The following ZNF705G variants were observed in gnomAD, a reference collection of about 807,000 sequenced individuals.
ZNF705G encodes the protein putative zinc finger protein 705G.
Under a neutral mutation model 19.6 loss-of-function variants are expected in ZNF705G, and 23 were observed. The observed-to-expected ratio is 1.17, with a 90% CI of 0.84 to 1.66. The LOEUF is 1.66. ZNF705G is among the 40% of genes most tolerant of loss of function. The pLI, the probability that ZNF705G is intolerant of heterozygous loss-of-function variation, is 0.00. For missense variants in ZNF705G, 457 were observed against 354.4 expected (o/e 1.29, Z -2.32); for synonymous variants, 146 against 117.7 (o/e 1.24, Z -1.56).
Position 7,358,097 on chromosome 8 carries a change from C to T in ZNF705G, c.782G>A (p.Ser261Asn), listed in dbSNP as rs757263091. The T allele has an allele frequency of 1.9e-5, 30 of 1,607,910 alleles. No individual in the cohort carries two copies. The highest frequency in any genetic ancestry group is 2.4e-5 in the Non-Finnish European group (28 of 1,179,768). Residue 261 changes from serine to asparagine, a missense_variant, in exon 7 of 7, where the codon AGT becomes AAT. Physicochemically the swap from Ser to Asn is conservative, Grantham distance 46 (BLOSUM62 1). Transcript: ENST00000400156. ...AGAGCTTTGACTAAAGGCTTTCCCA[C>T]TTTTATCACATTCATAACACTTTTT... is the stretch of plus-strand genomic sequence containing the variant. The part of the protein sequence containing the change: ...LGKKCYECDK[S>N]GKAFSQSSGF...
chr8:7,380,520 A>G (rs1294362345), intron 2 of ZNF705G, among the ~76,000 whole-genome samples: 4 of 147,486 alleles, frequency 2.7e-5, no homozygotes, highest in Non-Finnish European at 4.4e-5. Context: ...CCAGCCTGCC[A>G]TCACAGCTGT....
chr8:7,362,157 G>T (rs1435029026), intron 3 of ZNF705G, among the ~76,000 whole-genome samples: 1 of 149,418 alleles, frequency 6.7e-6, no homozygotes, highest in Admixed American at 6.6e-5. Flanking sequence ...CCCTTATAAA[G>T]CATTTCCACA....
In ZNF705G at chr8:7,369,554, T is replaced by C. The variant is rs1168515379; in HGVS notation, c.-71-6537A>G. 6.0e-5 allele frequency among the ~76,000 whole-genome samples: 9 copies of C among 149,508 alleles called. 1 individual carries two copies. Among genetic ancestry groups the C allele is most frequent in the African/African-American group, 2.3e-4 (9 of 38,924 alleles). ...GCAGCCATGGGGACTGACCCTTGTATCCAAAAGAAAATAAATTGTTCTACC... is the reference window on the plus strand; with the variant it reads ...GCAGCCATGGGGACTGACCCTTGTACCCAAAAGAAAATAAATTGTTCTACC... On this transcript the variant is annotated intron_variant, in intron 2 of 6. Transcript: ENST00000400156.
At position 7,364,666 on chromosome 8, in the gene ZNF705G, T is replaced by C. The variant is rs185379282; in HGVS notation, c.-71-1649A>G. On this transcript the variant is annotated intron_variant, in intron 2 of 6. Coordinates refer to ENST00000400156, the MANE Select transcript of ZNF705G (RefSeq NM_001164457.3). The stretch of plus-strand genomic sequence containing the variant: ...TTAGACCCCAGGTCCCAAACATCAT[T>C]GTGTCTATTTTTACTGCCACATTTA... 6.9e-4 allele frequency among the ~76,000 whole-genome samples: 103 copies of C among 149,790 alleles called. 1 individual carries two copies. Among genetic ancestry groups the C allele is most frequent in the Admixed American group, 1.4e-3 (22 of 15,272 alleles).
Position 7,357,987 on chromosome 8 carries a change from T to A in ZNF705G, c.892A>T (p.Asn298Tyr), listed in dbSNP as rs547548873. The change falls in exon 7 of 7, where the codon AAC (asparagine) becomes TAC (tyrosine). Residue 298 changes from asparagine (N) to tyrosine (Y), a missense_variant. Asn to Tyr is a moderately radical substitution (Grantham distance 143). Transcript: ENST00000400156. ...CGTGTTCTCTCATGTCATCTAAGGT[T>A]GGAAGACAGACTGAAGGCCTTCCCA... ...LCGKAFSLSSNLR is the reference protein window; with the variant it reads ...LCGKAFSLSSYLR 4.3e-6 allele frequency: 7 copies of A among 1,609,228 alleles called. 1 individual carries two copies. Among genetic ancestry groups the A allele is most frequent in the East Asian group, 2.2e-5 (1 of 44,858 alleles).
At chr8:7,369,247 A>G (rs1413324605) in intron 2 of ZNF705G, among the ~76,000 whole-genome samples, 3 of 149,550 alleles carry the variant, frequency 2.0e-5, no homozygotes, top group African/African-American at 5.1e-5. Context: ...ACACAGAGCC[A>G]AACCATATCA....
At position 7,360,232 on chromosome 8, in the gene ZNF705G, C is replaced by T. The variant is rs537763331; in HGVS notation, c.235+5G>A. The T allele has an allele frequency of 3.1e-6, 5 of 1,592,006 alleles. No individual in the cohort carries two copies. The highest frequency in any genetic ancestry group is 2.8e-5 in the African/African-American group (2 of 70,704). On this transcript the variant is annotated splice_donor_5th_base_variant and intron_variant, in intron 5 of 6. Coordinates refer to ENST00000400156, the MANE Select transcript of ZNF705G (RefSeq NM_001164457.3). ...CCTATTAGAGCACAGGACCCTGTTG[C>T]TTACTTGGATTCTGGTCTTGAAGAA...
chr8:7,358,549 G>T lies in ZNF705G; in HGVS notation c.330C>A (p.Leu110=), dbSNP rs1806404048. Residue 110 remains leucine, a synonymous_variant, in exon 7 of 7, where the codon CTC becomes CTA. Transcript: ENST00000400156. ...TACATTCAAAAGGATCCTCCAGAAT[G>T]AGAGAGTTCTCCTTTGGGGCAAATA... is the stretch of plus-strand genomic sequence containing the variant. ...ASTSMTMENS[L]ILEDPFECND... The T allele has an allele frequency of 6.2e-7, 1 of 1,607,518 alleles. No individual in the cohort carries two copies. The highest frequency in any genetic ancestry group is 8.5e-7 in the Non-Finnish European group (1 of 1,179,574).
chr8:7,361,687 C>A (rs1208134434), intron 3 of ZNF705G, among the ~76,000 whole-genome samples: 1 of 149,526 alleles, frequency 6.7e-6, no homozygotes, highest in African/African-American at 2.6e-5. Context: ...GGTTTCTCAC[C>A]AATCAAATGG....
rs1221498072 is a variant in ZNF705G at position 7,355,566 on chromosome 8, A to C, written c.*2410T>G. On this transcript the variant is annotated 3_prime_UTR_variant, in exon 7 of 7. Coordinates refer to ENST00000400156, the MANE Select transcript of ZNF705G (RefSeq NM_001164457.3). ...AGATGGAAATAAAGAAGCAAATTCAAAAATCAGTATACAAAAGCCGATTGA... is the reference window on the plus strand; with the variant it reads ...AGATGGAAATAAAGAAGCAAATTCACAAATCAGTATACAAAAGCCGATTGA... The C allele has an allele frequency of 6.7e-6, 1 of 149,970 alleles. No homozygotes were observed. 9.3% of individuals were successfully genotyped at this position (149,970 alleles called of 1,614,324 possible).
At chr8:7,383,444 CCT>C (rs1269319010) in intron 1 of ZNF705G, among the ~76,000 whole-genome samples, 16 of 146,488 alleles carry the variant, frequency 1.1e-4, no homozygotes, top group East Asian at 3.9e-4. Context: ...TTCCTCAGCC[CCT>C]GAGAAGTACC....
At chr8:7,365,110 C>G (rs1806797895) in intron 2 of ZNF705G, among the ~76,000 whole-genome samples, 1 of 149,610 alleles carries the variant, frequency 6.7e-6, no homozygotes, top group Non-Finnish European at 1.5e-5. Context: ...TTAAAGCATA[C>G]TTATTTCATA....
intron 2 of ZNF705G, among the ~76,000 whole-genome samples, chr8:7,367,973 C>A (rs1201004947): frequency 6.7e-6 from 1 of 149,672 alleles, no homozygotes; most frequent in Non-Finnish European, 1.5e-5. Flanking sequence ...ATGCAGTGAA[C>A]TTATCTACCT....
intron 3 of ZNF705G, among the ~76,000 whole-genome samples, chr8:7,362,078 T>TAAAA (rs1253680554): frequency 6.7e-5 from 10 of 149,756 alleles, no homozygotes; most frequent in African/African-American, 2.6e-4. Context: ...GTTTCTCTTT[T>TAAAA]AAATTTACCT....
At chr8:7,379,954 A>G (rs1433277888) in intron 2 of ZNF705G, among the ~76,000 whole-genome samples, 1 of 142,054 alleles carries the variant, frequency 7.0e-6, no homozygotes, top group Non-Finnish European at 1.5e-5. Context: ...ACCCTCAGTG[A>G]CATTCCCTCA....
rs549814578 is a variant in ZNF705G at position 7,361,042 on chromosome 8, T to C, written c.139+68A>G. 11 of 1,591,838 alleles carry C rather than the reference T, an allele frequency of 6.9e-6. 1 individual carries two copies. In the Admixed American group the frequency reaches 1.5e-4, roughly 22 times the overall value. ...ATTAGAGTGAGATATGGGGAAGCTG[T>C]TTTAACACTTATTGAATGAATGAGT... On this transcript the variant is annotated intron_variant, in intron 4 of 6. Coordinates refer to ENST00000400156, the MANE Select transcript of ZNF705G (RefSeq NM_001164457.3).
chr8:7,383,854 T>C (rs1221324686), intron 1 of ZNF705G, among the ~76,000 whole-genome samples: 1 of 146,024 alleles, frequency 6.8e-6, no homozygotes, highest in Non-Finnish European at 1.5e-5. Context: ...AAACTTCTGC[T>C]CTTTATAAGC....
In ZNF705G at chr8:7,361,199, G is replaced by A. The variant is rs774588805; in HGVS notation, c.50C>T (p.Thr17Ile). The change falls in exon 4 of 7, where the codon ACC becomes ATC. Residue 17 changes from threonine (T) to isoleucine (I), a missense_variant. Coordinates refer to ENST00000400156, the MANE Select transcript of ZNF705G (RefSeq NM_001164457.3). ...GTCCATCATGGCCCACTCTTCCTGG[G>A]TGAAGTCAATAGCTACATCTTCAAA... ...LTFEDVAIDF[T>I]QEEWAMMDTS... 1.5e-5 allele frequency: 24 copies of A among 1,592,842 alleles called. No individual in the cohort carries two copies. Among genetic ancestry groups the A allele is most frequent in the African/African-American group, 2.8e-5 (2 of 70,844 alleles).
At position 7,361,096 on chromosome 8, in the gene ZNF705G, G is replaced by C. The variant is rs759838079; in HGVS notation, c.139+14C>G. 3.3e-5 allele frequency: 53 copies of C among 1,592,614 alleles called. No individual in the cohort carries two copies. The highest frequency in any genetic ancestry group is 4.2e-5 in the Non-Finnish European group (50 of 1,179,404). ...TGTGTCTCTACATATGTACATGAAT[G>C]TTCAGGGACTCACCGAGGGACACCA... is the stretch of plus-strand genomic sequence containing the variant. On this transcript the variant is annotated intron_variant, in intron 4 of 6. Coordinates refer to ENST00000400156, the MANE Select transcript of ZNF705G (RefSeq NM_001164457.3).
Sources: gnomAD v4.1 joint callset for allele counts (sites outside exome capture counted in the v4.1 genomes callset) on GRCh38, gnomAD v4.1.1 for gene constraint, MANE v1.5 for transcripts, NCBI Gene and HGNC (gene_info 2026-07-23, HGNC 2026-07-21) for gene names.